Variants in CACNA2D3 observed in about 807,000 individuals in gnomAD.
The protein encoded by CACNA2D3 is calcium voltage-gated channel auxiliary subunit alpha2delta 3.
A neutral mutation model predicts 160.6 loss-of-function variants in CACNA2D3; 60 were observed. That is an observed-to-expected ratio of 0.37 (90% confidence interval 0.30 to 0.46). The LOEUF is 0.46. CACNA2D3 is among the 20% of genes least tolerant of loss of function. CACNA2D3 has a pLI of 1.00. For synonymous variants in CACNA2D3, 558 were observed against 492.9 expected, an observed-to-expected ratio of 1.13 and a Z score of -1.75; for missense variants, 1,205 against 1,365.0, an observed-to-expected ratio of 0.88 and a Z score of 1.85.
chr3:54,547,698 T>C (rs1160782059), intron 5 of CACNA2D3, among the ~76,000 whole-genome samples: 1 of 64,288 alleles, frequency 1.6e-5, no homozygotes, highest in Non-Finnish European at 3.0e-5. Context: ...TTTTTTTTTT[T>C]AAGAGAGACA....
At chr3:54,338,604 G>A (rs892640737) in intron 3 of CACNA2D3, among the ~76,000 whole-genome samples, 1 of 151,492 alleles carries the variant, frequency 6.6e-6, no homozygotes, top group Non-Finnish European at 1.5e-5. Context: ...TGTCTTTCTG[G>A]CATTCCCCAG....
intron 5 of CACNA2D3, among the ~76,000 whole-genome samples, chr3:54,541,355 A>T (rs1174604891): frequency 6.6e-6 from 1 of 151,774 alleles, no homozygotes; most frequent in Non-Finnish European, 1.5e-5. Context: ...CATAGAGAAG[A>T]TGGTCATATA....
At chr3:54,549,917 T>C (rs749568684) in intron 5 of CACNA2D3, among the ~76,000 whole-genome samples, 2 of 152,186 alleles carry the variant, frequency 1.3e-5, no homozygotes, top group Non-Finnish European at 2.9e-5. Context: ...TGTTTAAATT[T>C]CTTTCTCTCT....
At chr3:54,233,469 C>T (rs945218185) in intron 2 of CACNA2D3, among the ~76,000 whole-genome samples, 1 of 152,206 alleles carries the variant, frequency 6.6e-6, no homozygotes, top group Non-Finnish European at 1.5e-5. Context: ...CCTCCAGGCA[C>T]CATAAGTGGA....
chr3:54,539,982 G>A (rs1701946904), intron 5 of CACNA2D3, among the ~76,000 whole-genome samples: 1 of 152,072 alleles, frequency 6.6e-6, no homozygotes, highest in Admixed American at 6.6e-5. Context: ...AAAGTCTGTG[G>A]GTAGGAGTGA....
intron 35 of CACNA2D3, among the ~76,000 whole-genome samples, chr3:55,055,902 GT>G: frequency 6.6e-6 from 1 of 152,004 alleles, no homozygotes; most frequent in Middle Eastern, 3.4e-3. Context: ...GTTTTTTTAG[GT>G]TTGACCCCAA....
At chr3:54,127,462 G>C (rs55738216) in intron 2 of CACNA2D3, among the ~76,000 whole-genome samples, 5,771 of 152,264 alleles carry the variant, frequency 0.038, 334 homozygotes, top group African/African-American at 0.13. Context: ...AAAATCGGTG[G>C]ACTTTTAAAT....
At chr3:54,593,058 A>G (rs1702890791) in intron 9 of CACNA2D3, among the ~76,000 whole-genome samples, 1 of 152,204 alleles carries the variant, frequency 6.6e-6, no homozygotes, top group Non-Finnish European at 1.5e-5. Context: ...TGAAACACCT[A>G]GGGAGACGAA....
intron 11 of CACNA2D3, among the ~76,000 whole-genome samples, chr3:54,699,111 A>G (rs1024475310): frequency 1.6e-4 from 24 of 152,210 alleles, no homozygotes; most frequent in Admixed American, 2.6e-4. Flanking sequence ...TAAGACGAAA[A>G]TAAGACCAAG....
At chr3:54,721,038 T>C (rs1390032136) in intron 11 of CACNA2D3, among the ~76,000 whole-genome samples, 1 of 151,750 alleles carries the variant, frequency 6.6e-6, no homozygotes, top group African/African-American at 2.4e-5. Context: ...TTATTCAGTT[T>C]TGTCATCTAT....
chr3:55,042,326 T>C (rs1234453655), intron 35 of CACNA2D3, among the ~76,000 whole-genome samples: 7 of 152,146 alleles, frequency 4.6e-5, no homozygotes, highest in Non-Finnish European at 1.0e-4. Flanking sequence ...TGAAATCCTG[T>C]TATTATGTGC....
chr3:54,445,112 C>G (rs778073777), intron 4 of CACNA2D3, among the ~76,000 whole-genome samples: 11 of 152,168 alleles, frequency 7.2e-5, no homozygotes, highest in Non-Finnish European at 1.0e-4. Context: ...TGTCCAATGA[C>G]AAATGGTAGT....
intron 4 of CACNA2D3, 53 bp downstream of exon 4, chr3:54,386,827 CA>C (rs1248168436): frequency 1.4e-6 from 2 of 1,471,348 alleles, no homozygotes; most frequent in African/African-American, 2.8e-5. Flanking sequence ...TGCCAAAGGA[CA>C]AGTACCAGGT....
At chr3:54,611,114 C>T (rs1224737002) in intron 9 of CACNA2D3, among the ~76,000 whole-genome samples, 2 of 152,196 alleles carry the variant, frequency 1.3e-5, no homozygotes, top group East Asian at 1.9e-4. Context: ...AGCCAAGCCT[C>T]GTGCAGAAAT....
At chr3:54,974,354 C>G (rs1702336855) in intron 29 of CACNA2D3, among the ~76,000 whole-genome samples, 1 of 152,216 alleles carries the variant, frequency 6.6e-6, no homozygotes. Flanking sequence ...CTATCTCCAT[C>G]TTTCAGATCA....
At chr3:54,210,858 G>T (rs1701359694) in intron 2 of CACNA2D3, among the ~76,000 whole-genome samples, 1 of 152,176 alleles carries the variant, frequency 6.6e-6, no homozygotes, top group Non-Finnish European at 1.5e-5. Context: ...TTGGTAATGT[G>T]TAAAACACTG....
chr3:54,319,202 C>CACACACACACACA, intron 2 of CACNA2D3, among the ~76,000 whole-genome samples: 1 of 105,990 alleles, frequency 9.4e-6, no homozygotes, highest in Non-Finnish European at 2.1e-5. Context: ...ACACACACAC[C>CACACACACACACA]CTTCCTCGAG....
chr3:54,526,665 A>T lies in CACNA2D3; in HGVS notation c.544+23011A>T, dbSNP rs943591374. Among the ~76,000 whole-genome samples, 4 of 152,070 alleles carry T rather than the reference A, an allele frequency of 2.6e-5. No individual in the cohort carries two copies. In the South Asian group the frequency reaches 8.3e-4, roughly 32 times the overall value. Reference sequence around the variant, plus strand: ...TTTTTCCCTGGCTACACCAACCCTTAAGTACCCATAAGTATTTGTTTTTGT... The same window carrying T: ...TTTTTCCCTGGCTACACCAACCCTTTAGTACCCATAAGTATTTGTTTTTGT... On this transcript the variant is annotated intron_variant, in intron 5 of 37. Transcript: ENST00000474759.
At position 54,753,691 on chromosome 3, in the gene CACNA2D3, T is replaced by C. The variant is rs559319881; in HGVS notation, c.1246+1014T>C. On this transcript the variant is annotated intron_variant, in intron 12 of 37. Coordinates refer to ENST00000474759, the MANE Select transcript of CACNA2D3 (RefSeq NM_018398.3). ...GTTGGTCAACTTTAACTTGCCTCAA[T>C]GTTCTAATACTCAAAATGGTAATGG... Among the ~76,000 whole-genome samples the C allele has an allele frequency of 1.1e-4, 16 of 152,372 alleles. No individual in the cohort carries two copies. In the East Asian group the frequency reaches 3.1e-3, roughly 29 times the overall value.
Sources: gnomAD v4.1 joint callset for allele counts (sites outside exome capture counted in the v4.1 genomes callset) on GRCh38, gnomAD v4.1.1 for gene constraint, MANE v1.5 for transcripts, NCBI Gene and HGNC (gene_info 2026-07-23, HGNC 2026-07-21) for gene names.